The following VASP variants were observed in gnomAD, a reference collection of about 807,000 sequenced individuals.
VASP encodes vasodilator stimulated phosphoprotein.
Under a neutral mutation model 54.4 loss-of-function variants are expected in VASP, and 27 were observed. The ratio of observed to expected loss-of-function variants is 0.50; its 90% CI spans 0.37 to 0.68. The LOEUF is 0.68. Ranked by LOEUF, VASP falls within the 30% of genes least tolerant of loss-of-function variation. The probability of loss-of-function intolerance (pLI) is 0.00; values close to 1 mark genes in which losing one functional copy is unlikely to be tolerated. For missense variants in VASP, 488 were observed against 528.3 expected, an observed-to-expected ratio of 0.92 and a Z score of 0.75; for synonymous variants, 233 against 209.8, an observed-to-expected ratio of 1.11 and a Z score of -0.96.
At chr19:45,513,846 G>A (rs923789358) in intron 1 of VASP, among the ~76,000 whole-genome samples, 3 of 152,150 alleles carry the variant, frequency 2.0e-5, no homozygotes, top group Admixed American at 2.0e-4. Context: ...TTACAGGCGT[G>A]AGCCACCTCC....
In VASP at chr19:45,519,894, C is replaced by CTT. The variant is rs57892194; in HGVS notation, c.344-1401_344-1400dup. On this transcript the variant is annotated intron_variant, in intron 3 of 12. Coordinates refer to ENST00000245932, the MANE Select transcript of VASP (RefSeq NM_003370.4). The stretch of plus-strand genomic sequence containing the variant: ...ACAGGCGTGAGCCACTGCGCCCGGC[C>CTT]TTTTTTTTTTTTTTTTTTTTTTTTT... Among the ~76,000 whole-genome samples, 443 of 50,970 alleles carry CTT rather than the reference C, an allele frequency of 8.7e-3. 111 individuals carry two copies. Among genetic ancestry groups the CTT allele is most frequent in the African/African-American group, 0.021 (215 of 10,210 alleles). The allele number at this position is 50,970 out of a possible 152,430, so 33.4% of individuals were successfully genotyped here.
chr19:45,507,832 C>G lies in VASP; in HGVS notation c.5+56C>G, dbSNP rs1968518390. 3 of 1,136,532 alleles carry G rather than the reference C, an allele frequency of 2.6e-6. No homozygotes were observed. The highest frequency in any genetic ancestry group is 3.5e-6 in the Non-Finnish European group (3 of 860,222). The allele number at this position is 1,136,532 out of a possible 1,614,324, so 70.4% of individuals were successfully genotyped here. A position where few individuals can be genotyped will look rare whatever the true frequency, so the allele number is the denominator to read the frequency against. On this transcript the variant is annotated intron_variant, in intron 1 of 12. Transcript: ENST00000245932. The surrounding 1 kb of genome is among the most constrained non-coding windows in gnomAD (Gnocchi z 4.4). ...CGCCCGGGCGGGCTCCGCGCCCCGCCTTTGTCCCCCTCCCCCCCAGCTAGC... is the reference window on the plus strand; with the variant it reads ...CGCCCGGGCGGGCTCCGCGCCCCGCGTTTGTCCCCCTCCCCCCCAGCTAGC...
At chr19:45,517,638 C>G in intron 1 of VASP, 25 bp from the exon 2 acceptor site, 1 of 1,599,372 alleles carries the variant, frequency 6.3e-7, no homozygotes, top group South Asian at 1.1e-5. Context: ...TGACCGGCCC[C>G]TCTCCCTTTT....
At chr19:45,516,458 C>A (rs1252535911) in intron 1 of VASP, among the ~76,000 whole-genome samples, 1 of 152,166 alleles carries the variant, frequency 6.6e-6, no homozygotes, top group Non-Finnish European at 1.5e-5. Context: ...CCTGAGCAGG[C>A]AGTGGTGGAG....
In VASP at chr19:45,522,572, A is replaced by C; in HGVS notation, c.711A>C (p.Lys237Asn). 6.8e-7 allele frequency: 1 copy of C among 1,465,558 alleles called. No individual in the cohort carries two copies. The highest frequency in any genetic ancestry group is 1.4e-5 in the South Asian group (1 of 70,396). The allele number at this position is 1,465,558 out of a possible 1,614,324, so 90.8% of individuals were successfully genotyped here. ...CTATTGCTGGAGCCAAACTCAGGAA[A>C]GTCAGCAAGGTGAGGGGCCGGGAGA... ...AAAIAGAKLRKVSKQEEASGG... is the reference protein window; with the variant it reads ...AAAIAGAKLRNVSKQEEASGG... Residue 237 changes from lysine to asparagine, a missense_variant, in exon 6 of 13, where the codon AAA becomes AAC. By Grantham distance (94) the Lys-to-Asn change is moderately conservative. Transcript: ENST00000245932.
intron 4 of VASP, 125 bp from the exon 5 acceptor site, chr19:45,522,043 C>G (rs1480020141): frequency 1.5e-6 from 2 of 1,293,622 alleles, no homozygotes; most frequent in Non-Finnish European, 2.2e-6. Flanking sequence ...GGGAGGAAGG[C>G]TTGGGTGAGT....
intron 7 of VASP, among the ~76,000 whole-genome samples, chr19:45,523,100 A>C (rs1599940565): frequency 6.6e-6 from 1 of 151,598 alleles, no homozygotes; most frequent in East Asian, 1.9e-4. Flanking sequence ...GTTCCAACAC[A>C]GCACCGCTCC....
intron 1 of VASP, among the ~76,000 whole-genome samples, chr19:45,509,711 T>C (rs1343601788): frequency 2.0e-5 from 3 of 152,152 alleles, no homozygotes; most frequent in Non-Finnish European, 4.4e-5. Context: ...CTGCAGGTGG[T>C]CACACCCGAC....
intron 3 of VASP, among the ~76,000 whole-genome samples, chr19:45,520,232 A>G (rs1968803647): frequency 6.6e-6 from 1 of 152,168 alleles, no homozygotes; most frequent in Non-Finnish European, 1.5e-5. Context: ...TAACGTGCAC[A>G]TGAATCACCT....
At chr19:45,513,025 A>G (rs539897179) in intron 1 of VASP, among the ~76,000 whole-genome samples, 6 of 152,290 alleles carry the variant, frequency 3.9e-5, no homozygotes, top group African/African-American at 1.4e-4. Flanking sequence ...CGTTTCAACT[A>G]TGAGCCCCTC....
chr19:45,519,743 C>CA (rs1452888559), intron 3 of VASP, among the ~76,000 whole-genome samples: 4,432 of 150,090 alleles, frequency 0.03, 238 homozygotes, highest in African/African-American at 0.1. Flanking sequence ...CTACAGGCAC[C>CA]CGCCACCACA....
At chr19:45,511,967 G>T (rs1968607525) in intron 1 of VASP, among the ~76,000 whole-genome samples, 1 of 152,140 alleles carries the variant, frequency 6.6e-6, no homozygotes, top group South Asian at 2.1e-4. Context: ...AGCCTGGCGT[G>T]GTGGCACACG....
chr19:45,522,755 C>T lies in VASP; in HGVS notation c.758C>T (p.Ala253Val). The change falls in exon 7 of 13, where the codon GCT becomes GTT. Residue 253 changes from alanine (A) to valine (V), a missense_variant. Transcript: ENST00000245932. ...TCAGGGGGGCCCACAGCCCCCAAAG[C>T]TGAGAGTGGTCGAAGCGGAGGTGGG... is the stretch of plus-strand genomic sequence containing the variant. ...EASGGPTAPK[A>V]ESGRSGGGGL... is the part of the protein sequence containing the mutation. The T allele has an allele frequency of 6.2e-7, 1 of 1,602,192 alleles. No individual in the cohort carries two copies. The highest frequency in any genetic ancestry group is 1.1e-5 in the South Asian group (1 of 89,554).
rs756608698 is a variant in VASP at position 45,518,048 on chromosome 19, G to A, written c.297G>A (p.Ala99=). 6 of 1,613,742 alleles carry A rather than the reference G, an allele frequency of 3.7e-6. No homozygotes were observed. In the African/African-American group the frequency reaches 4.0e-5, roughly 11 times the overall value. The change falls in exon 3 of 13, where the codon GCG becomes GCA. Residue 99 remains alanine, a synonymous_variant. Transcript: ENST00000245932. ...TCAACTTCGGCAGCAAGGAGGATGC[G>A]GCCCAGTTTGCCGCCGGCATGGCCA... The part of the protein sequence containing the change: ...WGLNFGSKED[A]AQFAAGMASA...
At chr19:45,514,409 G>C (rs1219085602) in intron 1 of VASP, among the ~76,000 whole-genome samples, 1 of 152,004 alleles carries the variant, frequency 6.6e-6, no homozygotes, top group East Asian at 1.9e-4. Flanking sequence ...TTTAGAGATG[G>C]GGGGTCTCAC....
In VASP at chr19:45,522,359, C is replaced by G. The variant is rs201984100; in HGVS notation, c.498C>G (p.Pro166=). The G allele has an allele frequency of 8.2e-5, 129 of 1,574,416 alleles. No individual in the cohort carries two copies. The highest frequency in any genetic ancestry group is 5.0e-4 in the South Asian group (43 of 86,608). Residue 166 remains proline (P), a synonymous_variant, in exon 6 of 13, where the codon CCC becomes CCG. Transcript: ENST00000245932. ...TTTCAGGAGGCCCACCTGCTCCCCC[C>G]GCTGGGGGTCCACCCCCACCACCAG... ...VSNAGGPPAP[P]AGGPPPPPGP...
chr19:45,522,560 CA>C lies in VASP; in HGVS notation c.702del (p.Lys234AsnfsTer34). ...GCCTGGCCGCAGCTATTGCTGGAGC[CA>C]AACTCAGGAAAGTCAGCAAGGTGAG... ...PGLAAAIAGAKLRKVSKQEEA... is the reference protein window; with the variant it reads ...PGLAAAIAGAXLRKVSKQEEA... On this transcript the variant is annotated frameshift_variant, in exon 6 of 13. Transcript: ENST00000245932. LOFTEE classifies it high-confidence loss of function. 6.8e-7 allele frequency: 1 copy of C among 1,461,386 alleles called. No individual in the cohort carries two copies. Among genetic ancestry groups the C allele is most frequent in the Non-Finnish European group, 9.0e-7 (1 of 1,112,462 alleles). The allele number at this position is 1,461,386 out of a possible 1,614,324, so 90.5% of individuals were successfully genotyped here. A position where few individuals can be genotyped will look rare whatever the true frequency, so the allele number is the denominator to read the frequency against.
At chr19:45,520,874 G>A (rs1217760052) in intron 3 of VASP, among the ~76,000 whole-genome samples, 4 of 152,216 alleles carry the variant, frequency 2.6e-5, no homozygotes, top group Non-Finnish European at 5.9e-5. Context: ...TGAGGCAGGA[G>A]AATCTCTTGA....
Position 45,521,327 on chromosome 19 carries a change from G to T in VASP, c.349G>T (p.Gly117Trp). 1 of 1,575,832 alleles carries T rather than the reference G, an allele frequency of 6.3e-7. No individual in the cohort carries two copies. The highest frequency in any genetic ancestry group is 1.8e-5 in the Admixed American group (1 of 54,148). Reference sequence around the variant, plus strand: ...CTTTCTCTCTCACCTTTCAGGAGGTGGGCCCCCTCCACCCCCAGCACTTCC... The same window carrying T: ...CTTTCTCTCTCACCTTTCAGGAGGTTGGCCCCCTCCACCCCCAGCACTTCC... ...ASALEALEGG[G>W]PPPPPALPTW... Residue 117 changes from glycine to tryptophan, a missense_variant, in exon 4 of 13, where the codon GGG becomes TGG. Coordinates refer to ENST00000245932, the MANE Select transcript of VASP (RefSeq NM_003370.4).
Sources: gnomAD v4.1 joint callset for allele counts (sites outside exome capture counted in the v4.1 genomes callset) on GRCh38, gnomAD v4.1.1 for gene constraint, Gnocchi (gnomAD v3.1) non-coding constraint, MANE v1.5 for transcripts, NCBI Gene and HGNC (gene_info 2026-07-23, HGNC 2026-07-21) for gene names.